The following ANK2 variants were observed in gnomAD, a reference collection of about 807,000 sequenced individuals.
ANK2 encodes the protein ankyrin-2.
ANK2 carries 83 observed loss-of-function variants against 360.5 expected under a neutral mutation model. The ratio of observed to expected loss-of-function variants is 0.23; its 90% confidence interval spans 0.19 to 0.28. The LOEUF (loss-of-function observed/expected upper bound fraction) is 0.28. Among genes scored for constraint, ANK2 ranks in the 10% least tolerant of loss-of-function variants. The probability of loss-of-function intolerance (pLI) is 1.00; values close to 1 mark genes in which losing one functional copy is unlikely to be tolerated. For missense variants in ANK2, 4,201 were observed against 4,795.7 expected (o/e 0.88, Z 3.66); for synonymous variants, 1,740 against 1,759.5 (o/e 0.99, Z 0.28).
At chr4:113,107,029 A>T in intron 1 of ANK2, 2 of 438,744 alleles carry the variant, frequency 4.6e-6, no homozygotes, top group South Asian at 3.5e-5. Flanking sequence ...GTGTTTTTCC[A>T]TTCGAAACAA....
chr4:113,184,983 G>T (rs991935593), intron 2 of ANK2, among the ~76,000 whole-genome samples: 2 of 152,072 alleles, frequency 1.3e-5, no homozygotes, highest in Admixed American at 6.5e-5. Context: ...GTGTTAATTT[G>T]CTGGGAATGA....
At chr4:113,182,682 G>T (rs2098441332) in intron 2 of ANK2, among the ~76,000 whole-genome samples, 1 of 152,168 alleles carries the variant, frequency 6.6e-6, no homozygotes, top group Non-Finnish European at 1.5e-5. Context: ...ATAAGCTGAG[G>T]AACTGAACAA....
chr4:112,958,239 A>C (rs2032084874), intron 2 of ANK2, among the ~76,000 whole-genome samples: 1 of 152,212 alleles, frequency 6.6e-6, no homozygotes, highest in Admixed American at 6.5e-5. Context: ...AGGCCAAGGC[A>C]GGCGGCTGGG....
chr4:113,358,290 C>T lies in ANK2; in HGVS notation c.9672C>T (p.Asp3224=). The T allele has an allele frequency of 6.2e-7, 1 of 1,613,544 alleles. No individual in the cohort carries two copies. The highest frequency in any genetic ancestry group is 8.5e-7 in the Non-Finnish European group (1 of 1,179,660). The part of the protein sequence containing the change: ...TKEAVSVGTK[D]LPTVQTGDIP... ...AAGCTGTTAGTGTAGGGACCAAGGA[C>T]CTCCCCACCGTGCAAACGGGTGATA... Residue 3224 remains aspartate (D), a synonymous_variant, in exon 38 of 46, where the codon GAC becomes GAT. Transcript: ENST00000357077.
intron 2 of ANK2, among the ~76,000 whole-genome samples, chr4:113,043,609 G>T (rs780789463): frequency 2.0e-5 from 3 of 152,054 alleles, no homozygotes; most frequent in Non-Finnish European, 4.4e-5. Flanking sequence ...TGGGAAGCTG[G>T]ATTTTCTCTT....
chr4:113,123,182 G>A (rs572527642), intron 1 of ANK2, among the ~76,000 whole-genome samples: 15 of 151,888 alleles, frequency 9.9e-5, no homozygotes, highest in African/African-American at 3.6e-4. Context: ...ATTAATCTGT[G>A]TTTATATAAA....
chr4:113,293,230 G>C lies in ANK2; in HGVS notation c.2377-210G>C, dbSNP rs1391869275. 4.5e-5 allele frequency: 31 copies of C among 684,686 alleles called. No homozygotes were observed. The South Asian group carries it at 4.7e-4, about 10-fold the overall frequency. The allele number at this position is 684,686 out of a possible 1,614,324, so 42.4% of individuals were successfully genotyped here. A position where few individuals can be genotyped will look rare whatever the true frequency, so the allele number is the denominator to read the frequency against. On this transcript the variant is annotated intron_variant, in intron 21 of 45. Coordinates refer to ENST00000357077, the MANE Select transcript of ANK2 (RefSeq NM_001148.6). Reference sequence around the variant, plus strand: ...TATTAAAAAGAGCAAGCAGATGCAAGCTTGTTGTGTTACCATGGTGACCTG... The same window carrying C: ...TATTAAAAAGAGCAAGCAGATGCAACCTTGTTGTGTTACCATGGTGACCTG...
At position 113,254,904 on chromosome 4, in the gene ANK2, A is replaced by G. The variant is rs1324745349; in HGVS notation, c.991-831A>G. On this transcript the variant is annotated intron_variant, in intron 10 of 45. Transcript: ENST00000357077. ...AAGACAATAGTCCCATCTCTTTAAT[A>G]GGCAAATTGTTTTTTAAAATTTAGT... 1.1e-4 allele frequency among the ~76,000 whole-genome samples: 16 copies of G among 152,362 alleles called. No individual in the cohort carries two copies. The East Asian group carries it at 1.3e-3, about 13-fold the overall frequency.
chr4:113,144,081 C>T (rs1165023481), intron 1 of ANK2, among the ~76,000 whole-genome samples: 2 of 152,112 alleles, frequency 1.3e-5, no homozygotes, highest in Non-Finnish European at 2.9e-5. Flanking sequence ...AGCCCCCTTC[C>T]ATTGTTGTCA....
At position 113,119,736 on chromosome 4, in the gene ANK2, A is replaced by G. The variant is rs539319718; in HGVS notation, c.85-54680A>G. Among the ~76,000 whole-genome samples the G allele has an allele frequency of 8.5e-5, 13 of 152,264 alleles. No individual in the cohort carries two copies. The South Asian group carries it at 1.7e-3, about 19-fold the overall frequency. On this transcript the variant is annotated intron_variant, in intron 1 of 45. Transcript: ENST00000357077. ...AAAAATTCAGATGAGATCCACCCCAATGCAGATAAAAGCCAATTATGGGGC... is the reference window on the plus strand; with the variant it reads ...AAAAATTCAGATGAGATCCACCCCAGTGCAGATAAAAGCCAATTATGGGGC...
intron 17 of ANK2, among the ~76,000 whole-genome samples, chr4:113,282,462 T>G (rs2062781764): frequency 6.6e-6 from 1 of 152,216 alleles, no homozygotes; most frequent in Admixed American, 6.5e-5. Context: ...GATGTCTATA[T>G]CTGTCTTACA....
At chr4:112,865,403 T>C (rs900452852) in intron 1 of ANK2, among the ~76,000 whole-genome samples, 3 of 152,238 alleles carry the variant, frequency 2.0e-5, no homozygotes, top group Non-Finnish European at 4.4e-5. Flanking sequence ...ATAATGTTTA[T>C]GGTTTTAAAA....
chr4:112,984,322 A>T (rs1189313800), intron 2 of ANK2, among the ~76,000 whole-genome samples: 1 of 152,232 alleles, frequency 6.6e-6, no homozygotes, highest in Non-Finnish European at 1.5e-5. Flanking sequence ...ATGGATTTAC[A>T]GTTCCACATG....
chr4:112,830,800 T>A (rs1208970798), intron 1 of ANK2, among the ~76,000 whole-genome samples: 1 of 151,716 alleles, frequency 6.6e-6, no homozygotes, highest in African/African-American at 2.4e-5. Context: ...TGCAGGGAGG[T>A]GTGGAGGGAG....
At chr4:112,877,990 C>T (rs879071667) in intron 1 of ANK2, among the ~76,000 whole-genome samples, 1 of 152,142 alleles carries the variant, frequency 6.6e-6, no homozygotes, top group Admixed American at 6.5e-5. Flanking sequence ...ATCTTTGACT[C>T]CTGTTTGTTG....
At chr4:113,038,279 C>T (rs924465255) in intron 2 of ANK2, among the ~76,000 whole-genome samples, 2 of 151,972 alleles carry the variant, frequency 1.3e-5, no homozygotes, top group South Asian at 4.1e-4. Flanking sequence ...AAGCAGGATA[C>T]GTGAAACTCA....
chr4:113,214,956 T>C (rs778104289), intron 4 of ANK2, among the ~76,000 whole-genome samples: 4 of 152,166 alleles, frequency 2.6e-5, no homozygotes, highest in Non-Finnish European at 1.5e-5. Context: ...ATTTATTAAC[T>C]ATTTTATTGT....
At chr4:112,850,003 T>A (rs2064279787) in intron 1 of ANK2, among the ~76,000 whole-genome samples, 1 of 152,168 alleles carries the variant, frequency 6.6e-6, no homozygotes, top group Admixed American at 6.5e-5. Flanking sequence ...GGGACATCTA[T>A]CTTCTCCTAT....
chr4:113,089,619 A>C lies in ANK2; in HGVS notation c.84+39807A>C, dbSNP rs1347092339. On this transcript the variant is annotated intron_variant, in intron 1 of 45. Coordinates refer to ENST00000357077, the MANE Select transcript of ANK2 (RefSeq NM_001148.6). ...GGCGGGTGGATCACCTGAAGTCAGA[A>C]GTTCGAGACTAGCCTGACCAACATG... Among the ~76,000 whole-genome samples the C allele has an allele frequency of 2.0e-5, 3 of 152,360 alleles. No homozygotes were observed. The South Asian group carries it at 6.2e-4, about 32-fold the overall frequency.
Sources: allele counts gnomAD v4.1 joint callset (sites outside exome capture counted in the v4.1 genomes callset), GRCh38; gene constraint gnomAD v4.1.1; transcripts MANE v1.5; gene names NCBI Gene and HGNC (gene_info 2026-07-23, HGNC 2026-07-21).